SPAG16: variants seen among roughly 807,000 people sequenced by gnomAD.
SPAG16 encodes sperm associated antigen 16, also known as sperm-associated antigen 16 protein.
A neutral mutation model predicts 80.4 loss-of-function variants in SPAG16; 86 were observed. That is an observed-to-expected ratio of 1.07 (90% CI 0.90 to 1.28). The LOEUF (loss-of-function observed/expected upper bound fraction) is 1.28. SPAG16 is among the 50% of genes most tolerant of loss of function. The pLI, the probability that SPAG16 is intolerant of heterozygous loss-of-function variation, is 0.00. For synonymous variants in SPAG16, 294 were observed against 265.9 expected (o/e 1.11, Z -1.03); for missense variants, 870 against 765.3 (o/e 1.14, Z -1.61).
intron 15 of SPAG16, among the ~76,000 whole-genome samples, chr2:214,280,480 T>C (rs1692838258): frequency 6.6e-6 from 1 of 152,220 alleles, no homozygotes; most frequent in Non-Finnish European, 1.5e-5. Flanking sequence ...ATTATGATGC[T>C]ACAATAATCA....
chr2:214,305,059 C>G (rs1694818235), intron 15 of SPAG16, among the ~76,000 whole-genome samples: 1 of 152,242 alleles, frequency 6.6e-6, no homozygotes, highest in South Asian at 2.1e-4. Flanking sequence ...ACTTTTCAAT[C>G]ATAGCCATTC....
chr2:213,559,714 T>C (rs2059542278), intron 10 of SPAG16, among the ~76,000 whole-genome samples: 4 of 152,122 alleles, frequency 2.6e-5, no homozygotes, highest in Admixed American at 2.6e-4. Context: ...AGATATAATT[T>C]CCCAGTGGGG....
At chr2:214,118,835 C>T (rs1576267061) in intron 14 of SPAG16, among the ~76,000 whole-genome samples, 1 of 145,278 alleles carries the variant, frequency 6.9e-6, no homozygotes, top group African/African-American at 2.4e-5. Flanking sequence ...ATGACATTCT[C>T]TATAAAAATT....
chr2:213,877,151 T>C (rs928956636), intron 11 of SPAG16, among the ~76,000 whole-genome samples: 1 of 152,138 alleles, frequency 6.6e-6, no homozygotes, highest in African/African-American at 2.4e-5. Flanking sequence ...TACCCCAAAC[T>C]CTTTTCTTCA....
intron 10 of SPAG16, among the ~76,000 whole-genome samples, chr2:213,693,707 T>G (rs953554719): frequency 8.5e-5 from 13 of 152,332 alleles, no homozygotes; most frequent in African/African-American, 3.1e-4. Context: ...AAGCTTTACA[T>G]GAAGAGAGAC....
intron 15 of SPAG16, among the ~76,000 whole-genome samples, chr2:214,403,855 T>C (rs1278897680): frequency 1.3e-5 from 2 of 152,198 alleles, no homozygotes; most frequent in Non-Finnish European, 2.9e-5. Context: ...TTTTGACATC[T>C]TATTATCACA....
At chr2:213,407,454 T>C (rs1205581307) in intron 9 of SPAG16, among the ~76,000 whole-genome samples, 3 of 151,806 alleles carry the variant, frequency 2.0e-5, no homozygotes, top group African/African-American at 7.3e-5. Flanking sequence ...GAGACATCCC[T>C]AGTGTTGAGG....
intron 13 of SPAG16, among the ~76,000 whole-genome samples, chr2:214,028,777 A>T (rs751461588): frequency 6.6e-6 from 1 of 151,970 alleles, no homozygotes; most frequent in Non-Finnish European, 1.5e-5. Context: ...GTATGTGTGT[A>T]TATATTTGTG....
intron 15 of SPAG16, among the ~76,000 whole-genome samples, chr2:214,181,430 G>C (rs1366311200): frequency 6.6e-6 from 1 of 151,644 alleles, no homozygotes; most frequent in Non-Finnish European, 1.5e-5. Context: ...CATCCCAGGG[G>C]AGCTTTAGAC....
intron 14 of SPAG16, among the ~76,000 whole-genome samples, chr2:214,124,919 A>G (rs942161831): frequency 6.6e-6 from 1 of 151,828 alleles, no homozygotes; most frequent in Non-Finnish European, 1.5e-5. Context: ...CATTTACTCA[A>G]TAGCTAGACC....
At chr2:213,296,167 A>G (rs2126070044) in intron 2 of SPAG16, 57 bp downstream of exon 2, 2 of 1,241,484 alleles carry the variant, frequency 1.6e-6, no homozygotes, top group East Asian at 2.3e-5. Context: ...ATTCTCATGA[A>G]ATGCTCATTT....
chr2:213,524,568 C>A (rs1340608026), intron 10 of SPAG16, among the ~76,000 whole-genome samples: 1 of 152,172 alleles, frequency 6.6e-6, no homozygotes, highest in African/African-American at 2.4e-5. Flanking sequence ...TGGAGCTGCC[C>A]AAGGCCATGG....
intron 9 of SPAG16, among the ~76,000 whole-genome samples, chr2:213,395,313 A>G (rs1364685865): frequency 2.6e-5 from 4 of 152,120 alleles, no homozygotes; most frequent in Admixed American, 2.6e-4. Context: ...GTAACAACTT[A>G]AATTATTGAT....
intron 14 of SPAG16, among the ~76,000 whole-genome samples, chr2:214,111,660 T>G (rs978342412): frequency 3.2e-4 from 48 of 152,272 alleles, no homozygotes; most frequent in Middle Eastern, 3.4e-3. Context: ...TTCCAATTCT[T>G]TGAAGAAAGT....
At position 213,735,867 on chromosome 2, in the gene SPAG16, A is replaced by G. The variant is rs572972902; in HGVS notation, c.1071-126618A>G. 2.6e-5 allele frequency among the ~76,000 whole-genome samples: 4 copies of G among 152,334 alleles called. No individual in the cohort carries two copies. In the South Asian group the frequency reaches 8.3e-4, roughly 32 times the overall value. ...ATGTCTAGAATTGTCTAGCACTACA[A>G]CTGGGATGTTTTGAATATTATGGAT... On this transcript the variant is annotated intron_variant, in intron 10 of 15. Coordinates refer to ENST00000331683, the MANE Select transcript of SPAG16 (RefSeq NM_024532.5).
At chr2:213,643,811 G>T (rs12995729) in intron 10 of SPAG16, among the ~76,000 whole-genome samples, 11 of 105,980 alleles carry the variant, frequency 1.0e-4, no homozygotes, top group African/African-American at 3.9e-4. Flanking sequence ...CGCAGTTTCA[G>T]TCTTTGTTGT....
At position 213,652,667 on chromosome 2, in the gene SPAG16, GTTTA is replaced by G. The variant is rs531415044; in HGVS notation, c.1070+162581_1070+162584del. 1.3e-4 allele frequency among the ~76,000 whole-genome samples: 20 copies of G among 151,810 alleles called. No individual in the cohort carries two copies. In the East Asian group the frequency reaches 3.7e-3, roughly 28 times the overall value. ...ATTATATCAGACATTTTTTTCATGT[GTTTA>G]TTTGTCTGTTAATGTCTTTTGTATT... On this transcript the variant is annotated intron_variant, in intron 10 of 15. Transcript: ENST00000331683.
At chr2:213,721,113 G>GT (rs1193278574) in intron 10 of SPAG16, among the ~76,000 whole-genome samples, 3 of 150,636 alleles carry the variant, frequency 2.0e-5, no homozygotes, top group African/African-American at 7.3e-5. Flanking sequence ...TTTATTATTA[G>GT]TTTTTGAGAT....
chr2:213,722,232 T>C (rs2066562545), intron 10 of SPAG16, among the ~76,000 whole-genome samples: 1 of 152,220 alleles, frequency 6.6e-6, no homozygotes, highest in African/African-American at 2.4e-5. Flanking sequence ...ATTTGAAAGA[T>C]AAGTACAGGT....
Sources: allele counts gnomAD v4.1 joint callset (sites outside exome capture counted in the v4.1 genomes callset), GRCh38; gene constraint gnomAD v4.1.1; transcripts MANE v1.5; gene names NCBI Gene and HGNC (gene_info 2026-07-23, HGNC 2026-07-21).